Variants in CTNNAL1 observed in about 807,000 individuals in gnomAD.
CTNNAL1 encodes catenin alpha like 1.
CTNNAL1 carries 69 observed loss-of-function variants against 93.6 expected under a neutral mutation model. The ratio of observed to expected loss-of-function variants is 0.74; its 90% CI spans 0.61 to 0.90. The LOEUF is 0.90. Ranked by LOEUF, CTNNAL1 falls within the 40% of genes least tolerant of loss-of-function variation. The pLI, the probability that CTNNAL1 is intolerant of heterozygous loss-of-function variation, is 0.00. For missense variants in CTNNAL1, 836 were observed against 862.0 expected, an observed-to-expected ratio of 0.97 and a Z score of 0.38; for synonymous variants, 286 against 305.4, an observed-to-expected ratio of 0.94 and a Z score of 0.66.
At chr9:108,975,527 G>A (rs542784327) in intron 8 of CTNNAL1, among the ~76,000 whole-genome samples, 1 of 152,070 alleles carries the variant, frequency 6.6e-6, no homozygotes, top group Non-Finnish European at 1.5e-5. Context: ...CAACAGCTAC[G>A]TAACGGAGGG....
At chr9:108,971,674 CTG>C (rs929682699) in intron 9 of CTNNAL1, among the ~76,000 whole-genome samples, 5 of 152,180 alleles carry the variant, frequency 3.3e-5, no homozygotes, top group African/African-American at 1.2e-4. Context: ...CCATGTGGAA[CTG>C]TGAGTTCATT....
chr9:108,975,263 C>T (rs2132137283), intron 8 of CTNNAL1, among the ~76,000 whole-genome samples: 1 of 151,288 alleles, frequency 6.6e-6, no homozygotes, highest in Admixed American at 6.6e-5. Flanking sequence ...GCTGGGTGCC[C>T]ACTGTGACTC....
chr9:109,005,687 C>G (rs1340906750), intron 1 of CTNNAL1, among the ~76,000 whole-genome samples: 1 of 152,104 alleles, frequency 6.6e-6, no homozygotes, highest in African/African-American at 2.4e-5. Flanking sequence ...TTTAAGGCAC[C>G]CAGTCTATTT....
intron 4 of CTNNAL1, among the ~76,000 whole-genome samples, chr9:108,986,804 C>T (rs1265130338): frequency 6.6e-6 from 1 of 152,168 alleles, no homozygotes; most frequent in Non-Finnish European, 1.5e-5. Flanking sequence ...TTTCATGTGT[C>T]TTTTGGCTGC....
chr9:108,976,923 C>T, intron 8 of CTNNAL1, 39 bp downstream of exon 8: 1 of 835,496 alleles, frequency 1.2e-6, no homozygotes, highest in Non-Finnish European at 1.8e-6. Context: ...ATGAAAATCA[C>T]AAAGAATTAG....
chr9:108,959,290 G>A (rs949339326), intron 11 of CTNNAL1, among the ~76,000 whole-genome samples: 5 of 150,058 alleles, frequency 3.3e-5, no homozygotes, highest in East Asian at 2.0e-4. Context: ...GCATGAACCC[G>A]GGAGGCAGAG....
chr9:108,953,229 T>C (rs1830609627), intron 12 of CTNNAL1, among the ~76,000 whole-genome samples: 2 of 152,206 alleles, frequency 1.3e-5, no homozygotes, highest in South Asian at 4.1e-4. Flanking sequence ...CTGATGCCTG[T>C]ATACTTGAAG....
At chr9:108,954,847 C>T (rs1830652117) in intron 12 of CTNNAL1, among the ~76,000 whole-genome samples, 2 of 152,192 alleles carry the variant, frequency 1.3e-5, no homozygotes, top group African/African-American at 4.8e-5. Context: ...TTCCCACTAT[C>T]ATTTCTAAAA....
chr9:108,985,481 A>G (rs879865364), intron 4 of CTNNAL1, among the ~76,000 whole-genome samples: 3 of 152,248 alleles, frequency 2.0e-5, no homozygotes, highest in Non-Finnish European at 2.9e-5. Context: ...ATTTGCTTGA[A>G]TAAATTAGAA....
At chr9:108,946,788 A>T (rs1314436054) in intron 15 of CTNNAL1, among the ~76,000 whole-genome samples, 1 of 152,202 alleles carries the variant, frequency 6.6e-6, no homozygotes, top group African/African-American at 2.4e-5. Flanking sequence ...TATGTTCATC[A>T]CAGTTTGGAG....
At chr9:108,972,864 G>GGGGGGGGGCGCCCCCCCCCC in intron 8 of CTNNAL1, 31 bp from the exon 9 acceptor site, 2 of 142,566 alleles carry the variant, frequency 1.4e-5, no homozygotes, top group Non-Finnish European at 2.0e-5. Flanking sequence ...GGGGGGGTGG[G>GGGGGGGGGCGCCCCCCCCCC]AGGGTGGAGA....
At chr9:108,951,201 G>A (rs1250851960) in intron 14 of CTNNAL1, among the ~76,000 whole-genome samples, 4 of 146,204 alleles carry the variant, frequency 2.7e-5, no homozygotes, top group African/African-American at 1.0e-4. Flanking sequence ...TTTTTAAGTA[G>A]ACACCGGGTT....
At chr9:108,972,864 G>GGGGGGGGCGCCCC in intron 8 of CTNNAL1, 31 bp from the exon 9 acceptor site, 1 of 142,582 alleles carries the variant, frequency 7.0e-6, no homozygotes, top group Non-Finnish European at 1.0e-5. Flanking sequence ...GGGGGGGTGG[G>GGGGGGGGCGCCCC]AGGGTGGAGA....
intron 8 of CTNNAL1, among the ~76,000 whole-genome samples, chr9:108,976,275 G>T (rs535118687): frequency 6.6e-6 from 1 of 151,916 alleles, no homozygotes; most frequent in East Asian, 1.9e-4. Context: ...AATCATTTGT[G>T]CCTGGCTTCT....
chr9:108,956,262 T>C (rs1830685808), intron 11 of CTNNAL1, among the ~76,000 whole-genome samples: 1 of 152,190 alleles, frequency 6.6e-6, no homozygotes, highest in Admixed American at 6.5e-5. Flanking sequence ...ATGTATTCTC[T>C]CAGTCAGGGA....
intron 11 of CTNNAL1, among the ~76,000 whole-genome samples, chr9:108,964,207 A>C (rs1587955905): frequency 6.6e-6 from 1 of 152,234 alleles, no homozygotes; most frequent in Non-Finnish European, 1.5e-5. Flanking sequence ...ATGTGGAAGC[A>C]TGGTAAACAT....
intron 2 of CTNNAL1, among the ~76,000 whole-genome samples, chr9:108,995,351 C>T (rs192415381): frequency 6.6e-6 from 1 of 152,240 alleles, no homozygotes; most frequent in Admixed American, 6.5e-5. Context: ...ACAAAGGATA[C>T]GACATATAAG....
intron 17 of CTNNAL1, 78 bp from the exon 18 acceptor site, chr9:108,943,122 T>C: frequency 7.7e-7 from 1 of 1,296,850 alleles, no homozygotes; most frequent in Non-Finnish European, 1.1e-6. Context: ...AGTTTTAACA[T>C]GATAAAATTT....
At chr9:109,012,432 C>A (rs2132230706) in intron 1 of CTNNAL1, among the ~76,000 whole-genome samples, 1 of 152,302 alleles carries the variant, frequency 6.6e-6, no homozygotes, top group East Asian at 1.9e-4. Flanking sequence ...AGTCACACAT[C>A]GCCAACGCGC....
Sources: allele counts gnomAD v4.1 joint callset (sites outside exome capture counted in the v4.1 genomes callset), GRCh38; gene constraint gnomAD v4.1.1; transcripts MANE v1.5; gene names NCBI Gene and HGNC (gene_info 2026-07-23, HGNC 2026-07-21).